DEPDC1B: variants seen among roughly 807,000 people sequenced by gnomAD.
DEPDC1B encodes DEP domain-containing protein 1B.
Under a neutral mutation model 66.5 loss-of-function variants are expected in DEPDC1B, and 51 were observed. The ratio of observed to expected loss-of-function variants is 0.77; its 90% CI spans 0.61 to 0.97. The LOEUF (loss-of-function observed/expected upper bound fraction) is 0.97. Among genes scored for constraint, DEPDC1B ranks in the 50% least tolerant of loss-of-function variants. DEPDC1B has a pLI of 0.00. For synonymous variants in DEPDC1B, 226 were observed against 223.6 expected, an observed-to-expected ratio of 1.01 and a Z score of -0.10; for missense variants, 552 against 637.1, an observed-to-expected ratio of 0.87 and a Z score of 1.44.
intron 7 of DEPDC1B, 24 bp downstream of exon 7, chr5:60,638,726 T>C (rs1166104657): frequency 1.9e-6 from 3 of 1,587,536 alleles, no homozygotes; most frequent in South Asian, 1.2e-5. Flanking sequence ...GATGTAGATA[T>C]ATGTTCATTA....
intron 2 of DEPDC1B, among the ~76,000 whole-genome samples, chr5:60,686,427 C>A (rs941125778): frequency 6.6e-6 from 1 of 152,094 alleles, no homozygotes; most frequent in Non-Finnish European, 1.5e-5. Flanking sequence ...GATTATCTGG[C>A]GGTAAGTGTC....
chr5:60,689,680 T>A (rs1754499134), intron 1 of DEPDC1B, among the ~76,000 whole-genome samples: 2 of 148,612 alleles, frequency 1.3e-5, no homozygotes, highest in Non-Finnish European at 2.9e-5. Flanking sequence ...AGATGTGATC[T>A]CTTTTTTTTT....
intron 3 of DEPDC1B, 92 bp downstream of exon 3, chr5:60,647,306 G>A (rs1450996607): frequency 6.9e-7 from 1 of 1,448,762 alleles, no homozygotes; most frequent in African/African-American, 1.5e-5. Flanking sequence ...TTAAATTATT[G>A]TTCATAAAGG....
chr5:60,667,644 A>G (rs933797569), intron 2 of DEPDC1B, among the ~76,000 whole-genome samples: 47 of 117,414 alleles, frequency 4.0e-4, no homozygotes, highest in Non-Finnish European at 7.9e-4. Flanking sequence ...TATATGAAAA[A>G]TGGATATTTT....
At chr5:60,661,605 T>C (rs983233231) in intron 2 of DEPDC1B, among the ~76,000 whole-genome samples, 1 of 152,144 alleles carries the variant, frequency 6.6e-6, no homozygotes, top group Non-Finnish European at 1.5e-5. Context: ...CTGATGGCTA[T>C]ATTGATGTTT....
intron 1 of DEPDC1B, among the ~76,000 whole-genome samples, chr5:60,699,452 A>AAAAAAAAAAAAAAAAC (rs1561398832): frequency 1.6e-5 from 1 of 62,890 alleles, no homozygotes; most frequent in African/African-American, 5.3e-5. Flanking sequence ...AGAAAAAAAA[A>AAAAAAAAAAAAAAAAC]AAAAAAAAAA....
At chr5:60,671,140 G>A (rs565389308) in intron 2 of DEPDC1B, among the ~76,000 whole-genome samples, 3 of 152,160 alleles carry the variant, frequency 2.0e-5, no homozygotes, top group Admixed American at 1.3e-4. Context: ...GGCACCCAAG[G>A]CCTGCCAAGG....
chr5:60,679,171 T>C (rs181772388), intron 2 of DEPDC1B, among the ~76,000 whole-genome samples: 3 of 152,196 alleles, frequency 2.0e-5, no homozygotes, highest in Non-Finnish European at 4.4e-5. Context: ...TCCCATTAAA[T>C]AGAATTTACA....
chr5:60,689,041 G>C (rs142763958), intron 1 of DEPDC1B: 22 of 456,180 alleles, frequency 4.8e-5, no homozygotes, highest in African/African-American at 4.4e-4. Flanking sequence ...CAGGATAACA[G>C]AATCAATCCC....
intron 2 of DEPDC1B, among the ~76,000 whole-genome samples, chr5:60,681,436 T>C (rs1000361996): frequency 6.6e-6 from 1 of 152,176 alleles, no homozygotes; most frequent in Non-Finnish European, 1.5e-5. Flanking sequence ...TAAATTACTG[T>C]GCATACCCAA....
At chr5:60,618,562 C>T (rs989986202) in intron 7 of DEPDC1B, among the ~76,000 whole-genome samples, 1 of 152,202 alleles carries the variant, frequency 6.6e-6, no homozygotes, top group Non-Finnish European at 1.5e-5. Flanking sequence ...TTCCTCGATA[C>T]ATACACTCTC....
chr5:60,660,503 C>A (rs1753688979), intron 2 of DEPDC1B, among the ~76,000 whole-genome samples: 1 of 152,160 alleles, frequency 6.6e-6, no homozygotes, highest in Non-Finnish European at 1.5e-5. Context: ...AGGACTGAGG[C>A]CACTGACAAC....
chr5:60,619,260 T>G (rs1021266038), intron 7 of DEPDC1B, among the ~76,000 whole-genome samples: 15 of 152,174 alleles, frequency 9.9e-5, no homozygotes, highest in African/African-American at 3.1e-4. Flanking sequence ...ACCACTCCTA[T>G]TCAACATAGT....
chr5:60,634,817 C>G (rs1276965779), intron 7 of DEPDC1B, among the ~76,000 whole-genome samples: 2 of 151,956 alleles, frequency 1.3e-5, no homozygotes, highest in African/African-American at 4.8e-5. Context: ...TTCTGACAAT[C>G]TTGGTAGGCA....
intron 1 of DEPDC1B, among the ~76,000 whole-genome samples, chr5:60,690,018 G>A (rs1436105180): frequency 2.6e-5 from 4 of 152,170 alleles, no homozygotes; most frequent in African/African-American, 9.7e-5. Context: ...TTGCACCACT[G>A]CCTTCCAGCC....
At chr5:60,622,704 G>C (rs1345609402) in intron 7 of DEPDC1B, among the ~76,000 whole-genome samples, 1 of 152,212 alleles carries the variant, frequency 6.6e-6, no homozygotes, top group Admixed American at 6.5e-5. Flanking sequence ...ATTTATGTCA[G>C]TGTCTTTGGC....
Position 60,635,086 on chromosome 5 carries a change from G to A in DEPDC1B, c.898+3664C>T, listed in dbSNP as rs1337640187. Among the ~76,000 whole-genome samples, 7 of 148,342 alleles carry A rather than the reference G, an allele frequency of 4.7e-5. No homozygotes were observed. In the East Asian group the frequency reaches 1.2e-3, roughly 25 times the overall value. ...AGAGAAAAAAAAAAAAAAAAACTCC[G>A]GCCATAAGCCCTGGGCTCTGAGAGC... On this transcript the variant is annotated intron_variant, in intron 7 of 10. Coordinates refer to ENST00000265036, the MANE Select transcript of DEPDC1B (RefSeq NM_018369.3).
intron 7 of DEPDC1B, among the ~76,000 whole-genome samples, chr5:60,606,609 C>CA (rs60544270): frequency 0.12 from 5,796 of 46,520 alleles, 556 homozygotes; most frequent in African/African-American, 0.23. Context: ...CCCATTTCTA[C>CA]AAAAAAAAAA....
intron 1 of DEPDC1B, among the ~76,000 whole-genome samples, chr5:60,693,919 G>T (rs1396698679): frequency 6.6e-6 from 1 of 152,022 alleles, no homozygotes; most frequent in Non-Finnish European, 1.5e-5. Flanking sequence ...TCATAATCAT[G>T]AACTAAAATT....
Sources: allele counts gnomAD v4.1 joint callset (sites outside exome capture counted in the v4.1 genomes callset), GRCh38; gene constraint gnomAD v4.1.1; transcripts MANE v1.5; gene names NCBI Gene and HGNC (gene_info 2026-07-23, HGNC 2026-07-21).